The following NOL7 variants were observed in gnomAD, a reference collection of about 807,000 sequenced individuals.
NOL7 encodes the protein U3 small nucleolar RNA-associated protein NOL7.
Under a neutral mutation model 38.4 loss-of-function variants are expected in NOL7, and 36 were observed. The observed-to-expected ratio is 0.94, with a 90% CI of 0.72 to 1.24. The LOEUF (loss-of-function observed/expected upper bound fraction) is 1.24, where lower values mean the gene tolerates loss of function less well. Among genes scored for constraint, NOL7 ranks in the 50% most tolerant of loss-of-function variants. NOL7 has a pLI of 0.00. For missense variants in NOL7, 350 were observed against 315.1 expected (o/e 1.11, Z -0.84); for synonymous variants, 142 against 126.5 (o/e 1.12, Z -0.82).
At chr6:13,632,118 C>CTTTTTTTTTTT (rs752500098) in intron 8 of NOL7, among the ~76,000 whole-genome samples, 1 of 74,966 alleles carries the variant, frequency 1.3e-5, no homozygotes, top group Non-Finnish European at 2.6e-5. Flanking sequence ...GGATTTAATC[C>CTTTTTTTTTTT]TTTTTTTTTT....
At chr6:13,617,147 A>G (rs1764315098) in intron 3 of NOL7, among the ~76,000 whole-genome samples, 1 of 152,074 alleles carries the variant, frequency 6.6e-6, no homozygotes, top group African/African-American at 2.4e-5. Context: ...AGTTACTCAG[A>G]TCCTGAATAC....
chr6:13,615,920 G>A (rs920490633), intron 2 of NOL7, 148 bp downstream of exon 2: 9 of 864,640 alleles, frequency 1.0e-5, no homozygotes, highest in Non-Finnish European at 1.6e-5. Flanking sequence ...TGCTCGGGCC[G>A]GGCGCGGCAG....
intron 5 of NOL7, 49 bp from the exon 6 acceptor site, chr6:13,620,157 AAG>A (rs1491241669): frequency 3.8e-6 from 6 of 1,567,080 alleles, no homozygotes; most frequent in Non-Finnish European, 5.2e-6. Context: ...AGAAAAAAAA[AAG>A]AAAGTAAGCA....
intron 8 of NOL7, among the ~76,000 whole-genome samples, chr6:13,630,900 C>T (rs946429772): frequency 6.6e-6 from 1 of 151,968 alleles, no homozygotes; most frequent in East Asian, 1.9e-4. Flanking sequence ...AACCTGAACT[C>T]CTGGGTTCAA....
chr6:13,617,605 G>C (rs1188342578), intron 3 of NOL7, among the ~76,000 whole-genome samples, 165 bp from the exon 4 acceptor site: 1 of 152,210 alleles, frequency 6.6e-6, no homozygotes, highest in Admixed American at 6.5e-5. Flanking sequence ...CAGTGTACTA[G>C]GGAGTGACTA....
At chr6:13,619,967 C>G (rs893478541) in intron 5 of NOL7, among the ~76,000 whole-genome samples, 1 of 152,062 alleles carries the variant, frequency 6.6e-6, no homozygotes, top group African/African-American at 2.4e-5. Context: ...CCAGCCTGGC[C>G]AACATGGTGA....
In NOL7 at chr6:13,616,516, G is replaced by A; in HGVS notation, c.381G>A (p.Gln127=). The A allele has an allele frequency of 6.2e-7, 1 of 1,602,602 alleles. No individual in the cohort carries two copies. The highest frequency in any genetic ancestry group is 8.5e-7 in the Non-Finnish European group (1 of 1,172,658). Residue 127 remains glutamine, a synonymous_variant, in exon 3 of 8, where the codon CAG becomes CAA. Coordinates refer to ENST00000451315, the MANE Select transcript of NOL7 (RefSeq NM_016167.5). ...TILEKLTTAS[Q]TNIKKSPGKV... Reference sequence around the variant, plus strand: ...TGGAGAAGTTAACCACAGCTTCACAGACTAAGTAAGTAATGGATCTTTTTA... The same window carrying A: ...TGGAGAAGTTAACCACAGCTTCACAAACTAAGTAAGTAATGGATCTTTTTA...
downstream of NOL7, among the ~76,000 whole-genome samples, chr6:13,625,056 T>G (rs551804022): frequency 9.2e-5 from 14 of 152,174 alleles, no homozygotes; most frequent in South Asian, 4.1e-4. Flanking sequence ...AGTTTGAGCT[T>G]CTCTGATATT....
At chr6:13,628,875 A>G (rs1158811915) in intron 8 of NOL7, among the ~76,000 whole-genome samples, 1 of 152,230 alleles carries the variant, frequency 6.6e-6, no homozygotes. Context: ...TACTGCTGGT[A>G]AAAGTTGGTA....
At chr6:13,625,535 A>T, downstream of NOL7, 1 of 586,972 alleles carries the variant, frequency 1.7e-6, no homozygotes, top group Admixed American at 2.7e-5. Flanking sequence ...TTTATATTTT[A>T]AAAATATAGA....
chr6:13,622,963 A>G (rs994652893), downstream of NOL7, among the ~76,000 whole-genome samples: 1 of 152,198 alleles, frequency 6.6e-6, no homozygotes, highest in African/African-American at 2.4e-5. Context: ...TCCAAGGCAT[A>G]TATAGGTAAT....
At chr6:13,628,818 C>T (rs746076545) in intron 8 of NOL7, among the ~76,000 whole-genome samples, 2 of 152,130 alleles carry the variant, frequency 1.3e-5, no homozygotes, top group Non-Finnish European at 2.9e-5. Flanking sequence ...ATGTTAAACC[C>T]GCTAAAGTAG....
downstream of NOL7, chr6:13,622,319 G>T (rs769096320): frequency 2.1e-6 from 3 of 1,440,466 alleles, no homozygotes; most frequent in African/African-American, 1.4e-5. Context: ...CTTCCATGTT[G>T]ACTATATGCC....
downstream of NOL7, among the ~76,000 whole-genome samples, chr6:13,624,578 C>A (rs981549599): frequency 2.6e-5 from 4 of 152,158 alleles, no homozygotes; most frequent in Non-Finnish European, 4.4e-5. Context: ...AAACAATCGA[C>A]CCTATCACAT....
At chr6:13,617,986 A>G (rs989259744) in intron 4 of NOL7, 72 bp from the exon 5 acceptor site, 3 of 1,001,814 alleles carry the variant, frequency 3.0e-6, no homozygotes, top group Non-Finnish European at 4.7e-6. Context: ...GGATGCTTAA[A>G]GTGAACTCCA....
chr6:13,630,692 T>C lies in NOL7; in HGVS notation n.574-1701T>C, dbSNP rs145561506. Among the ~76,000 whole-genome samples, 206 of 152,280 alleles carry C rather than the reference T, an allele frequency of 1.4e-3. 2 individuals are homozygous for C. The highest frequency in any genetic ancestry group is 4.8e-3 in the African/African-American group (200 of 41,556). On this transcript the variant is annotated intron_variant and non_coding_transcript_variant, in intron 8 of 8. Coordinates refer to the NOL7 transcript ENST00000474485. ...TTTTCTCTTTCATTTCCTCTGACTATATAGTGGAATTTTCCAGAGGCACAA... is the reference window on the plus strand; with the variant it reads ...TTTTCTCTTTCATTTCCTCTGACTACATAGTGGAATTTTCCAGAGGCACAA...
chr6:13,619,749 C>G (rs9474740), intron 5 of NOL7, among the ~76,000 whole-genome samples: 2,386 of 152,310 alleles, frequency 0.016, 65 homozygotes, highest in African/African-American at 0.055. Flanking sequence ...ATGTGCTCTA[C>G]TAAAATATGA....
At chr6:13,622,605 T>G (rs1764482306), downstream of NOL7, 1 of 1,126,776 alleles carries the variant, frequency 8.9e-7, no homozygotes, top group Non-Finnish European at 1.2e-6. Context: ...CATACCACTC[T>G]GAAATATCAG....
chr6:13,620,225 T>TG lies in NOL7; in HGVS notation c.520dup (p.Ala174GlyfsTer23), dbSNP rs1462265153. On this transcript the variant is annotated frameshift_variant, in exon 6 of 8. Transcript: ENST00000451315. LOFTEE classifies it high-confidence loss of function. Reference sequence around the variant, plus strand: ...ATCAACAGCCAGAATAAAAGCTACTTGGCCGTAAGGCTAAAAGACCAAGAT... The same window carrying TG: ...ATCAACAGCCAGAATAAAAGCTACTTGGGCCGTAAGGCTAAAAGACCAAGAT... The TG allele has an allele frequency of 6.2e-7, 1 of 1,612,970 alleles. No homozygotes were observed.
Sources: gnomAD v4.1 joint callset for allele counts (sites outside exome capture counted in the v4.1 genomes callset) on GRCh38, gnomAD v4.1.1 for gene constraint, MANE v1.5 for transcripts, NCBI Gene and HGNC (gene_info 2026-07-23, HGNC 2026-07-21) for gene names.